The following LINGO2 variants were observed in gnomAD, a reference collection of about 807,000 sequenced individuals.
LINGO2 encodes leucine rich repeat and Ig domain containing 2.
LINGO2 carries 14 observed loss-of-function variants against 30.6 expected under a neutral mutation model. The ratio of observed to expected loss-of-function variants is 0.46; its 90% CI spans 0.30 to 0.72. The LOEUF (loss-of-function observed/expected upper bound fraction) is 0.72. LINGO2 is among the 30% of genes least tolerant of loss of function. LINGO2 has a pLI of 0.07. For missense variants in LINGO2, 729 were observed against 751.7 expected (o/e 0.97, Z 0.35); for synonymous variants, 317 against 288.5 (o/e 1.10, Z -1.00).
At chr9:28,573,759 T>G (rs995137057) in intron 1 of LINGO2, among the ~76,000 whole-genome samples, 4 of 152,210 alleles carry the variant, frequency 2.6e-5, no homozygotes, top group African/African-American at 9.6e-5. Context: ...CTACTTATAT[T>G]TGGGAAGTCA....
chr9:28,423,275 C>CT (rs1823278954), intron 2 of LINGO2, among the ~76,000 whole-genome samples: 1 of 151,992 alleles, frequency 6.6e-6, no homozygotes, highest in African/African-American at 2.4e-5. Flanking sequence ...AGAGAATGTC[C>CT]TAAGACTACA....
chr9:29,097,750 A>G, the LINGO2 span, among the ~76,000 whole-genome samples: 1 of 138,928 alleles, frequency 7.2e-6, no homozygotes, highest in Non-Finnish European at 1.6e-5. Context: ...AACTCCATCA[A>G]TGCATGCCCC....
intron 4 of LINGO2, among the ~76,000 whole-genome samples, chr9:28,226,552 C>T (rs1321509941): frequency 7.0e-6 from 1 of 143,544 alleles, no homozygotes; most frequent in African/African-American, 2.6e-5. Flanking sequence ...TAGAACACAT[C>T]ATTGAGGAAG....
chr9:28,721,374 G>C, the LINGO2 span, among the ~76,000 whole-genome samples: 1 of 152,126 alleles, frequency 6.6e-6, no homozygotes, highest in Non-Finnish European at 1.5e-5. Context: ...GTTTATTGCA[G>C]CACTATCAAC....
chr9:29,131,808 T>C, the LINGO2 span, among the ~76,000 whole-genome samples: 1 of 151,742 alleles, frequency 6.6e-6, no homozygotes, highest in South Asian at 2.1e-4. Context: ...AAACTATCCC[T>C]AGTTAAGGGC....
At chr9:27,995,733 A>C (rs914553170) in intron 5 of LINGO2, among the ~76,000 whole-genome samples, 4 of 152,214 alleles carry the variant, frequency 2.6e-5, no homozygotes, top group Admixed American at 1.3e-4. Context: ...AATAAAGACC[A>C]TGTATGGACA....
rs985441519 is a variant in LINGO2, at chr9:28,492,135, G to A, written c.-364-16110C>T. 2.0e-5 allele frequency among the ~76,000 whole-genome samples: 3 copies of A among 152,184 alleles called. No homozygotes were observed. In the South Asian group the frequency reaches 6.2e-4, roughly 32 times the overall value. On this transcript the variant is annotated intron_variant, in intron 1 of 5. Coordinates refer to ENST00000379992, the Ensembl canonical transcript of LINGO2. ...AATTTCAGCTTTTGCTCTCTCTCCC[G>A]TGATTCCTAATAGAAAAAGATGTTG...
intron 4 of LINGO2, among the ~76,000 whole-genome samples, chr9:28,016,452 A>G (rs983327886): frequency 1.3e-5 from 2 of 152,132 alleles, no homozygotes; most frequent in African/African-American, 4.8e-5. Flanking sequence ...GGAGAACTGT[A>G]TCTGACAAAT....
At chr9:28,991,404 C>G in the LINGO2 span, among the ~76,000 whole-genome samples, 305 of 151,214 alleles carry the variant, frequency 2.0e-3, 1 homozygote, top group African/African-American at 6.7e-3. Flanking sequence ...GTACCTGAAA[C>G]TGATGGGGAG....
chr9:28,893,013 A>G, the LINGO2 span, among the ~76,000 whole-genome samples: 54 of 152,090 alleles, frequency 3.6e-4, no homozygotes, highest in African/African-American at 1.2e-3. Context: ...ATGCACCTCT[A>G]CCTTTCTATT....
chr9:28,438,025 A>T (rs1002890571), intron 2 of LINGO2, among the ~76,000 whole-genome samples: 1 of 152,186 alleles, frequency 6.6e-6, no homozygotes, highest in Non-Finnish European at 1.5e-5. Context: ...TAAGTTTGAA[A>T]CATTGGCTTT....
At chr9:28,934,710 AAAGT>A in the LINGO2 span, among the ~76,000 whole-genome samples, 112,031 of 151,560 alleles carry the variant, frequency 0.74, 41,538 homozygotes, top group Non-Finnish European at 0.77. Context: ...TAAAACAACG[AAAGT>A]AAGACAATAG....
intron 4 of LINGO2, among the ~76,000 whole-genome samples, chr9:28,157,269 A>G (rs527252110): frequency 9.9e-5 from 15 of 152,180 alleles, no homozygotes; most frequent in Non-Finnish European, 1.8e-4. Flanking sequence ...CACACGCTCA[A>G]CACCATGTGG....
chr9:28,765,053 T>A, the LINGO2 span, among the ~76,000 whole-genome samples: 1 of 152,000 alleles, frequency 6.6e-6, no homozygotes, highest in African/African-American at 2.4e-5. Context: ...TTAATATTGT[T>A]AAAATGTTCA....
At chr9:28,194,584 C>T (rs1049335390) in intron 4 of LINGO2, among the ~76,000 whole-genome samples, 3 of 134,082 alleles carry the variant, frequency 2.2e-5, no homozygotes, top group Admixed American at 2.2e-4. Flanking sequence ...AAAAAAATGG[C>T]TAAATTCACT....
At chr9:28,433,923 TTCTCTCTCTC>T (rs146254758) in intron 2 of LINGO2, among the ~76,000 whole-genome samples, 8 of 109,932 alleles carry the variant, frequency 7.3e-5, no homozygotes, top group African/African-American at 2.6e-4. Flanking sequence ...TGCTCTCTCT[TTCTCTCTCTC>T]TCTCTCTCTC....
At chr9:28,634,809 A>G (rs1827180297) in intron 1 of LINGO2, among the ~76,000 whole-genome samples, 1 of 152,148 alleles carries the variant, frequency 6.6e-6, no homozygotes, top group South Asian at 2.1e-4. Context: ...CCAAAGTAAC[A>G]TGGGAGGAGT....
intron 4 of LINGO2, among the ~76,000 whole-genome samples, chr9:28,014,534 A>C (rs539784560): frequency 1.3e-5 from 2 of 152,282 alleles, no homozygotes; most frequent in South Asian, 2.1e-4. Context: ...CAACTGATAC[A>C]CTAGATAAAT....
chr9:28,673,498 C>G (rs185611542), upstream of LINGO2, among the ~76,000 whole-genome samples: 33 of 152,130 alleles, frequency 2.2e-4, no homozygotes, highest in Admixed American at 5.9e-4. Flanking sequence ...GAAACCTCGT[C>G]TCTACTAAAA....
Sources: gnomAD v4.1 joint callset for allele counts (sites outside exome capture counted in the v4.1 genomes callset) on GRCh38, gnomAD v4.1.1 for gene constraint, MANE v1.5 for transcripts, NCBI Gene and HGNC (gene_info 2026-07-23, HGNC 2026-07-21) for gene names.